MEGF10: variants seen among roughly 807,000 people sequenced by gnomAD.
The protein encoded by MEGF10 is multiple epidermal growth factor-like domains protein 10.
A neutral mutation model predicts 147.5 loss-of-function variants in MEGF10; 86 were observed. The observed-to-expected ratio is 0.58, with a 90% confidence interval of 0.49 to 0.70. MEGF10 has a LOEUF of 0.70. Ranked by LOEUF, MEGF10 falls within the 30% of genes least tolerant of loss-of-function variation. The pLI, the probability that MEGF10 is intolerant of heterozygous loss-of-function variation, is 0.00. For missense variants in MEGF10, 1,329 were observed against 1,487.3 expected (o/e 0.89, Z 1.75); for synonymous variants, 478 against 525.5 (o/e 0.91, Z 1.24).
the MEGF10 span, among the ~76,000 whole-genome samples, chr5:127,247,416 G>A: frequency 1.3e-5 from 1 of 77,276 alleles, no homozygotes; most frequent in Non-Finnish European, 2.5e-5. Flanking sequence ...AGAAGAAGAA[G>A]AAGAAGAAGA....
chr5:127,269,276 G>A, the MEGF10 span, among the ~76,000 whole-genome samples: 2 of 152,204 alleles, frequency 1.3e-5, no homozygotes, highest in African/African-American at 4.8e-5. Context: ...GGCTTCAGAC[G>A]ATCAAACTAC....
the MEGF10 span, among the ~76,000 whole-genome samples, chr5:127,266,407 C>G: frequency 6.6e-6 from 1 of 152,232 alleles, no homozygotes; most frequent in African/African-American, 2.4e-5. Context: ...AATGTGGGCT[C>G]TTTTTTGGTT....
At chr5:127,321,949 C>G (rs1189094571) in intron 1 of MEGF10, among the ~76,000 whole-genome samples, 1 of 151,966 alleles carries the variant, frequency 6.6e-6, no homozygotes, top group Non-Finnish European at 1.5e-5. Flanking sequence ...TTTGACTTTT[C>G]TTTTCTCAAG....
intron 2 of MEGF10, 112 bp downstream of exon 2, chr5:127,331,536 T>C (rs2126784521): frequency 1.5e-6 from 1 of 666,544 alleles, no homozygotes; most frequent in East Asian, 2.7e-5. Flanking sequence ...GTGAAATTAC[T>C]TTTATGTAAA....
chr5:127,235,046 A>T, the MEGF10 span, among the ~76,000 whole-genome samples: 1 of 152,050 alleles, frequency 6.6e-6, no homozygotes, highest in African/African-American at 2.4e-5. Context: ...GGGTTTTACC[A>T]TGTTGGCCAG....
intron 19 of MEGF10, among the ~76,000 whole-genome samples, chr5:127,443,890 A>G (rs1434693617): frequency 6.6e-6 from 1 of 152,342 alleles, no homozygotes; most frequent in Non-Finnish European, 1.5e-5. Flanking sequence ...TAAAGCTGCT[A>G]TGAACAAGAG....
At chr5:127,266,132 T>C in the MEGF10 span, among the ~76,000 whole-genome samples, 1 of 151,994 alleles carries the variant, frequency 6.6e-6, no homozygotes, top group Admixed American at 6.6e-5. Context: ...TTCAGCTTTC[T>C]ACATATGGCT....
chr5:127,234,710 T>A, the MEGF10 span, among the ~76,000 whole-genome samples: 1 of 152,230 alleles, frequency 6.6e-6, no homozygotes, highest in Non-Finnish European at 1.5e-5. Flanking sequence ...TTTAGAAAGC[T>A]CCCTATAATG....
At chr5:127,245,488 C>T in the MEGF10 span, among the ~76,000 whole-genome samples, 1 of 152,042 alleles carries the variant, frequency 6.6e-6, no homozygotes, top group South Asian at 2.1e-4. Flanking sequence ...AACATAAGAC[C>T]CAAAACCATA....
chr5:127,247,374 GA>G, the MEGF10 span, among the ~76,000 whole-genome samples: 18 of 8,848 alleles, frequency 2.0e-3, no homozygotes, highest in African/African-American at 0.011. Context: ...AGAAGAAGAA[GA>G]AGAAGAAGAA....
At chr5:127,307,137 C>T (rs751679511) in intron 1 of MEGF10, among the ~76,000 whole-genome samples, 3 of 152,128 alleles carry the variant, frequency 2.0e-5, no homozygotes, top group Non-Finnish European at 4.4e-5. Flanking sequence ...TGTTAGATAA[C>T]CCAGAATACT....
chr5:127,317,273 G>A lies in MEGF10; in HGVS notation c.-18-14018G>A, dbSNP rs573853034. 2.6e-4 allele frequency among the ~76,000 whole-genome samples: 39 copies of A among 152,198 alleles called. No individual in the cohort carries two copies. The South Asian group carries it at 7.9e-3, about 31-fold the overall frequency. On this transcript the variant is annotated intron_variant, in intron 1 of 24. Transcript: ENST00000503335. ...TTGCAAAAATTTTCTCCCATTCTGC[G>A]TGTCCGCTCTGATGGTAGTTTCTTT... is the stretch of plus-strand genomic sequence containing the variant.
At chr5:127,269,460 G>A in the MEGF10 span, among the ~76,000 whole-genome samples, 5 of 152,190 alleles carry the variant, frequency 3.3e-5, no homozygotes, top group Admixed American at 6.5e-5. Flanking sequence ...TTCAGTAGCC[G>A]ATTTCATCAA....
At chr5:127,268,702 G>T in the MEGF10 span, among the ~76,000 whole-genome samples, 4 of 152,230 alleles carry the variant, frequency 2.6e-5, no homozygotes, top group African/African-American at 9.6e-5. Flanking sequence ...AACCCCTGCA[G>T]ACTTAAATGT....
chr5:127,280,904 T>TCC, the MEGF10 span, among the ~76,000 whole-genome samples: 94 of 152,306 alleles, frequency 6.2e-4, no homozygotes, highest in African/African-American at 2.3e-3. Flanking sequence ...AGGACTCCTT[T>TCC]CCAAAGGGGC....
chr5:127,258,224 C>T, the MEGF10 span, among the ~76,000 whole-genome samples: 1 of 152,258 alleles, frequency 6.6e-6, no homozygotes, highest in South Asian at 2.1e-4. Flanking sequence ...ATGTTAGCAT[C>T]AGTCATTCTC....
chr5:127,328,355 A>G (rs1407175402), intron 1 of MEGF10, among the ~76,000 whole-genome samples: 3 of 152,338 alleles, frequency 2.0e-5, no homozygotes, highest in East Asian at 1.9e-4. Flanking sequence ...TAATACACAC[A>G]TACATCCACA....
intron 20 of MEGF10, 84 bp from the exon 21 acceptor site, chr5:127,447,473 G>A: frequency 1.3e-6 from 2 of 1,583,774 alleles, no homozygotes; most frequent in Non-Finnish European, 1.7e-6. Flanking sequence ...CACCTCGCTG[G>A]GCCTGTTTTG....
the MEGF10 span, among the ~76,000 whole-genome samples, chr5:127,237,500 TA>T: frequency 7.9e-5 from 12 of 151,120 alleles, no homozygotes; most frequent in East Asian, 1.9e-4. Flanking sequence ...TCCAAAAAAA[TA>T]AAAAAAAGTT....
Sources: gnomAD v4.1 joint callset for allele counts (sites outside exome capture counted in the v4.1 genomes callset) on GRCh38, gnomAD v4.1.1 for gene constraint, MANE v1.5 for transcripts, NCBI Gene and HGNC (gene_info 2026-07-23, HGNC 2026-07-21) for gene names.